Variants in ROCK1 observed in about 807,000 individuals in gnomAD.
The protein encoded by ROCK1 is Rho associated coiled-coil containing protein kinase 1.
A neutral mutation model predicts 196.8 loss-of-function variants in ROCK1; 36 were observed. The ratio of observed to expected loss-of-function variants is 0.18; its 90% CI spans 0.14 to 0.24. The LOEUF (loss-of-function observed/expected upper bound fraction) is 0.24. Among genes scored for constraint, ROCK1 ranks in the 10% least tolerant of loss-of-function variants. The pLI is 1.00. For synonymous variants in ROCK1, 443 were observed against 515.9 expected, an observed-to-expected ratio of 0.86 and a Z score of 1.91; for missense variants, 920 against 1,562.0, an observed-to-expected ratio of 0.59 and a Z score of 6.93.
intron 2 of ROCK1, among the ~76,000 whole-genome samples, chr18:21,066,409 A>G (rs1230812561): frequency 6.6e-6 from 1 of 152,184 alleles, no homozygotes; most frequent in Non-Finnish European, 1.5e-5. Flanking sequence ...TTGGTTTAGA[A>G]TTAGGCTGAT....
intron 5 of ROCK1, among the ~76,000 whole-genome samples, chr18:21,044,474 C>T (rs1448236229): frequency 2.6e-5 from 4 of 152,070 alleles, no homozygotes; most frequent in South Asian, 4.2e-4. Context: ...AACACTCAGA[C>T]ATAAAAGGTG....
At chr18:21,044,060 C>T in intron 6 of ROCK1, 42 bp downstream of exon 6, 1 of 1,235,922 alleles carries the variant, frequency 8.1e-7, no homozygotes, top group Non-Finnish European at 1.2e-6. Flanking sequence ...GAAGCATCTA[C>T]CTTGAATTAG....
At chr18:21,059,002 G>A (rs146033350) in intron 2 of ROCK1, among the ~76,000 whole-genome samples, 2 of 152,146 alleles carry the variant, frequency 1.3e-5, no homozygotes, top group East Asian at 3.9e-4. Flanking sequence ...CATACACACA[G>A]AGTAATCCAG....
intron 5 of ROCK1, chr18:21,045,024 GT>G (rs74173710): frequency 0.019 from 2,912 of 153,116 alleles, 65 homozygotes; most frequent in African/African-American, 0.057. Flanking sequence ...CCACACCTGT[GT>G]TTTTTTTTTT....
intron 20 of ROCK1, among the ~76,000 whole-genome samples, chr18:20,983,527 A>G (rs984694556): frequency 6.6e-6 from 1 of 152,062 alleles, no homozygotes; most frequent in Non-Finnish European, 1.5e-5. Context: ...AAAGCCTAGC[A>G]GCTAGGCTTG....
Position 20,991,288 on chromosome 18 carries a change from A to C in ROCK1, c.2031T>G (p.Leu677=). ...NNLEIDLNYK[L]KSLQQRLEQE... ...GTTCTAACCGTTGTTGTAATGATTTAAGTTTGTAGTTTAAATCTATCTCTA... is the reference window on the plus strand; with the variant it reads ...GTTCTAACCGTTGTTGTAATGATTTCAGTTTGTAGTTTAAATCTATCTCTA... Residue 677 remains leucine (L), a synonymous_variant, in exon 18 of 33, where the codon CTT becomes CTG. Transcript: ENST00000399799. 6.2e-7 allele frequency: 1 copy of C among 1,604,878 alleles called. No individual in the cohort carries two copies.
chr18:21,015,816 TA>T lies in ROCK1; in HGVS notation c.1362-338del, dbSNP rs879917536. Among the ~76,000 whole-genome samples the T allele has an allele frequency of 2.9e-3, 413 of 140,396 alleles. 1 individual carries two copies. Among genetic ancestry groups the T allele is most frequent in the Middle Eastern group, 3.6e-3 (1 of 276 alleles). The allele number at this position is 140,396 out of a possible 152,430, so 92.1% of individuals were successfully genotyped here. ...GTGAAACCCCGTCTCTACTAAAAAT[TA>T]AAAAAAAAAAAAATTAGCAAGGCAT... On this transcript the variant is annotated intron_variant, in intron 12 of 32. Transcript: ENST00000399799.
chr18:21,045,905 T>C (rs1238696378), intron 4 of ROCK1, among the ~76,000 whole-genome samples: 3 of 124,794 alleles, frequency 2.4e-5, no homozygotes, highest in Non-Finnish European at 3.4e-5. Context: ...AGCTGTTTTT[T>C]TTTTTTTTTT....
At chr18:21,077,132 C>G (rs2036439916) in intron 1 of ROCK1, among the ~76,000 whole-genome samples, 1 of 151,558 alleles carries the variant, frequency 6.6e-6, no homozygotes, top group Non-Finnish European at 1.5e-5. Context: ...CACCACCGCG[C>G]CCGGCTAATT....
At chr18:21,085,125 GAT>G (rs1379407186) in intron 1 of ROCK1, among the ~76,000 whole-genome samples, 3 of 152,082 alleles carry the variant, frequency 2.0e-5, no homozygotes, top group African/African-American at 7.2e-5. Context: ...CTGTTTAATG[GAT>G]ACAGAGTTTG....
chr18:21,012,911 G>C (rs1352230864), intron 13 of ROCK1, among the ~76,000 whole-genome samples: 1 of 152,050 alleles, frequency 6.6e-6, no homozygotes, highest in Non-Finnish European at 1.5e-5. Flanking sequence ...TGTTCACTCT[G>C]CTGCTGACAC....
At chr18:20,984,883 G>T (rs2035564381) in intron 19 of ROCK1, among the ~76,000 whole-genome samples, 1 of 152,104 alleles carries the variant, frequency 6.6e-6, no homozygotes, top group Admixed American at 6.5e-5. Flanking sequence ...GGAGGCTGAG[G>T]CAGGTGGATT....
At chr18:21,008,237 T>C in intron 13 of ROCK1, 43 bp from the exon 14 acceptor site, 1 of 1,393,000 alleles carries the variant, frequency 7.2e-7, no homozygotes. Flanking sequence ...ATTAATACTC[T>C]GGTCATTCAT....
chr18:21,021,572 T>C (rs1439663612), intron 11 of ROCK1, among the ~76,000 whole-genome samples: 2 of 152,140 alleles, frequency 1.3e-5, no homozygotes, highest in Non-Finnish European at 1.5e-5. Flanking sequence ...GGGCTGAAAA[T>C]CATCCACTGT....
At chr18:20,992,055 A>G (rs1314531412) in intron 17 of ROCK1, among the ~76,000 whole-genome samples, 1 of 152,228 alleles carries the variant, frequency 6.6e-6, no homozygotes, top group East Asian at 1.9e-4. Context: ...AACCCCACAA[A>G]GTATCCTGTG....
At chr18:21,046,423 C>A (rs765818340) in intron 4 of ROCK1, among the ~76,000 whole-genome samples, 7 of 152,154 alleles carry the variant, frequency 4.6e-5, no homozygotes, top group Non-Finnish European at 1.0e-4. Flanking sequence ...TAACAGTGCA[C>A]CTAACAGATT....
chr18:21,028,985 A>T, intron 9 of ROCK1, 50 bp from the exon 10 acceptor site: 1 of 1,555,102 alleles, frequency 6.4e-7, no homozygotes, highest in Non-Finnish European at 8.8e-7. Flanking sequence ...AAATACAAGT[A>T]AAGTGAAGCA....
chr18:20,971,329 C>T (rs914490287), intron 22 of ROCK1, among the ~76,000 whole-genome samples: 13 of 77,220 alleles, frequency 1.7e-4, no homozygotes, highest in Admixed American at 6.0e-4. Flanking sequence ...CACACACACA[C>T]ACACACACAC....
rs567253285 is a variant in ROCK1, at chr18:21,047,018, G to C, written c.415-1551C>G. On this transcript the variant is annotated intron_variant, in intron 4 of 32. Coordinates refer to ENST00000399799, the MANE Select transcript of ROCK1 (RefSeq NM_005406.3). ...AAAAAATGTATTTTGGGGGAAGAGA[G>C]AAGGATAAGAAACAAAGTGGCATTT... Among the ~76,000 whole-genome samples the C allele has an allele frequency of 6.6e-5, 10 of 152,204 alleles. No individual in the cohort carries two copies. In the East Asian group the frequency reaches 1.9e-3, roughly 29 times the overall value.
Sources: allele counts gnomAD v4.1 joint callset (sites outside exome capture counted in the v4.1 genomes callset), GRCh38; gene constraint gnomAD v4.1.1; transcripts MANE v1.5; gene names NCBI Gene and HGNC (gene_info 2026-07-23, HGNC 2026-07-21).